Variants in CDH12 observed in about 807,000 individuals in gnomAD.
CDH12 encodes the protein cadherin-12.
A neutral mutation model predicts 74.1 loss-of-function variants in CDH12; 41 were observed. The observed-to-expected ratio is 0.55, with a 90% CI of 0.43 to 0.72. The LOEUF (loss-of-function observed/expected upper bound fraction) is 0.72. CDH12 is among the 30% of genes least tolerant of loss of function. The probability of loss-of-function intolerance (pLI) is 0.00; values close to 1 mark genes in which losing one functional copy is unlikely to be tolerated. For missense variants in CDH12, 945 were observed against 977.2 expected, an observed-to-expected ratio of 0.97 and a Z score of 0.44; for synonymous variants, 399 against 355.0, an observed-to-expected ratio of 1.12 and a Z score of -1.39.
intron 2 of CDH12, among the ~76,000 whole-genome samples, chr5:22,477,438 T>C (rs748816100): frequency 6.6e-6 from 1 of 152,176 alleles, no homozygotes; most frequent in Non-Finnish European, 1.5e-5. Context: ...TATGGCTGCG[T>C]AGTATTTCAT....
chr5:21,944,085 A>C (rs1162760504), intron 6 of CDH12, among the ~76,000 whole-genome samples: 1 of 152,224 alleles, frequency 6.6e-6, no homozygotes, highest in Non-Finnish European at 1.5e-5. Flanking sequence ...AGAGACATTT[A>C]AAGATTAACT....
intron 4 of CDH12, among the ~76,000 whole-genome samples, chr5:22,117,144 C>A (rs535550007): frequency 2.0e-5 from 3 of 151,240 alleles, no homozygotes; most frequent in African/African-American, 7.3e-5. Context: ...ATCTGCAGTA[C>A]ACAATGAAAG....
At chr5:21,839,508 T>C (rs567590839) in intron 8 of CDH12, among the ~76,000 whole-genome samples, 5 of 152,294 alleles carry the variant, frequency 3.3e-5, no homozygotes, top group Admixed American at 6.5e-5. Context: ...TGTAATTATT[T>C]CTAATTGCCA....
chr5:22,501,600 A>G (rs1736148723), intron 2 of CDH12, among the ~76,000 whole-genome samples: 1 of 152,172 alleles, frequency 6.6e-6, no homozygotes, highest in East Asian at 1.9e-4. Context: ...TCAAATTATT[A>G]ACCTTTGACA....
intron 1 of CDH12, among the ~76,000 whole-genome samples, chr5:22,639,972 T>C (rs1052212149): frequency 1.3e-5 from 2 of 152,200 alleles, no homozygotes; most frequent in Non-Finnish European, 2.9e-5. Flanking sequence ...CTTTATTCAT[T>C]CTTTTCAGAA....
intron 4 of CDH12, among the ~76,000 whole-genome samples, chr5:22,116,132 C>A (rs952643746): frequency 2.6e-5 from 4 of 152,062 alleles, no homozygotes; most frequent in African/African-American, 9.7e-5. Context: ...TGGGTGGGAC[C>A]AACCTAATCA....
intron 2 of CDH12, among the ~76,000 whole-genome samples, chr5:22,419,903 G>A (rs1056347493): frequency 3.9e-5 from 6 of 152,168 alleles, no homozygotes; most frequent in African/African-American, 1.4e-4. Context: ...GATGATCAGT[G>A]ATGTTGAACT....
intron 5 of CDH12, among the ~76,000 whole-genome samples, chr5:21,995,995 T>C (rs1169038009): frequency 6.6e-6 from 1 of 152,080 alleles, no homozygotes; most frequent in Non-Finnish European, 1.5e-5. Flanking sequence ...TTGTTGGTTC[T>C]GAGTACACGT....
At chr5:22,649,320 A>C (rs1739607749) in intron 1 of CDH12, among the ~76,000 whole-genome samples, 1 of 151,936 alleles carries the variant, frequency 6.6e-6, no homozygotes, top group South Asian at 2.1e-4. Context: ...GCTAATGAAA[A>C]CTTAGGTGAC....
intron 3 of CDH12, among the ~76,000 whole-genome samples, chr5:22,253,201 G>C (rs547556911): frequency 6.7e-6 from 1 of 150,118 alleles, no homozygotes; most frequent in South Asian, 2.2e-4. Context: ...TATTTATAAA[G>C]TAATTATGAC....
rs997960865 is a variant in CDH12 at position 22,425,085 on chromosome 5, G to T, written c.-427-19734C>A. Among the ~76,000 whole-genome samples, 454 of 144,400 alleles carry T rather than the reference G, an allele frequency of 3.1e-3. 1 individual carries two copies. The highest frequency in any genetic ancestry group is 5.4e-3 in the African/African-American group (204 of 38,046). The allele number at this position is 144,400 out of a possible 152,430, so 94.7% of individuals were successfully genotyped here. ...ATTTATATATATATATATAGAGAGA[G>T]AGAGAGAGAGAGAGAGAATTTTTAC... On this transcript the variant is annotated intron_variant, in intron 2 of 14. Coordinates refer to ENST00000382254, the MANE Select transcript of CDH12 (RefSeq NM_004061.5).
intron 1 of CDH12, chr5:22,580,294 C>T (rs904774520): frequency 3.8e-5 from 15 of 396,822 alleles, no homozygotes; most frequent in East Asian, 7.5e-5. Flanking sequence ...AAGAGGTCGT[C>T]GATGTCAAGC....
chr5:21,770,933 C>G (rs1745291727), intron 11 of CDH12, among the ~76,000 whole-genome samples: 1 of 152,098 alleles, frequency 6.6e-6, no homozygotes, highest in African/African-American at 2.4e-5. Flanking sequence ...AGCTGGAGGC[C>G]ATTATCCTAA....
intron 1 of CDH12, among the ~76,000 whole-genome samples, chr5:22,685,392 C>G (rs983354988): frequency 2.6e-5 from 4 of 152,164 alleles, no homozygotes; most frequent in Non-Finnish European, 5.9e-5. Context: ...CATATGCCAC[C>G]ATGCCCGGCT....
chr5:21,838,596 C>T (rs1362156432), intron 8 of CDH12, among the ~76,000 whole-genome samples: 1 of 151,902 alleles, frequency 6.6e-6, no homozygotes, highest in East Asian at 1.9e-4. Flanking sequence ...AGTTCCAATG[C>T]CCTTATCCTC....
chr5:21,886,224 C>A (rs1752621196), intron 6 of CDH12, among the ~76,000 whole-genome samples: 1 of 151,740 alleles, frequency 6.6e-6, no homozygotes, highest in African/African-American at 2.4e-5. Context: ...TTCTTTCTTC[C>A]CTCTGAAATT....
At chr5:22,402,637 G>A (rs905574201) in intron 3 of CDH12, among the ~76,000 whole-genome samples, 1 of 152,204 alleles carries the variant, frequency 6.6e-6, no homozygotes, top group African/African-American at 2.4e-5. Flanking sequence ...ATCAGCACTT[G>A]ATGATGTGGA....
rs139438081 is a variant in CDH12, at chr5:21,927,447, G to A, written c.526+47644C>T. Among the ~76,000 whole-genome samples the A allele has an allele frequency of 8.5e-3, 1,283 of 150,966 alleles. 18 individuals are homozygous for A. The highest frequency in any genetic ancestry group is 0.029 in the African/African-American group (1,208 of 41,214). On this transcript the variant is annotated intron_variant, in intron 6 of 14. Transcript: ENST00000382254. ...AAAAATAAAAAAAAAAATTAGCTGA[G>A]TATGATGATGGCGTGTGACTGTAGT...
intron 2 of CDH12, among the ~76,000 whole-genome samples, chr5:22,461,540 A>C (rs1745523058): frequency 6.6e-6 from 1 of 152,002 alleles, no homozygotes. Context: ...GGGCTAAAAA[A>C]ATATTTTCCA....
Sources: gnomAD v4.1 joint callset for allele counts (sites outside exome capture counted in the v4.1 genomes callset) on GRCh38, gnomAD v4.1.1 for gene constraint, MANE v1.5 for transcripts, NCBI Gene and HGNC (gene_info 2026-07-23, HGNC 2026-07-21) for gene names.